Variants in DNAH9 observed in about 807,000 individuals in gnomAD.
DNAH9 encodes the protein dynein axonemal heavy chain 9.
DNAH9 carries 345 observed loss-of-function variants against 471.6 expected under a neutral mutation model. The ratio of observed to expected loss-of-function variants is 0.73; its 90% CI spans 0.67 to 0.80. The LOEUF (loss-of-function observed/expected upper bound fraction) is 0.80, where lower values mean the gene tolerates loss of function less well. Ranked by LOEUF, DNAH9 falls within the 30% of genes least tolerant of loss-of-function variation. The pLI is 0.00. For synonymous variants in DNAH9, 2,093 were observed against 2,123.6 expected (o/e 0.99, Z 0.40); for missense variants, 5,407 against 5,609.2 (o/e 0.96, Z 1.15).
intron 66 of DNAH9, among the ~76,000 whole-genome samples, chr17:11,941,611 G>A (rs1335810592): frequency 6.6e-6 from 1 of 152,140 alleles, no homozygotes; most frequent in Non-Finnish European, 1.5e-5. Context: ...AGGTTTACAT[G>A]ATAGATGAGG....
chr17:11,680,045 T>A, intron 18 of DNAH9, 66 bp downstream of exon 18: 1 of 1,270,728 alleles, frequency 7.9e-7, no homozygotes, highest in Non-Finnish European at 1.1e-6. Flanking sequence ...CAGAATGGGG[T>A]AAAGTGGGGT....
intron 67 of DNAH9, 98 bp downstream of exon 67, chr17:11,942,583 G>C (rs900813806): frequency 2.2e-6 from 3 of 1,335,110 alleles, no homozygotes; most frequent in South Asian, 1.5e-5. Context: ...GAAAGCTGGG[G>C]AGCAGTTGTC....
chr17:11,687,331 A>C (rs920554876), intron 19 of DNAH9, among the ~76,000 whole-genome samples: 9 of 152,220 alleles, frequency 5.9e-5, no homozygotes, highest in African/African-American at 1.9e-4. Flanking sequence ...TCTGACACTA[A>C]TTTAATAGTA....
At chr17:11,656,026 C>G (rs1011163495) in intron 14 of DNAH9, among the ~76,000 whole-genome samples, 13 of 152,126 alleles carry the variant, frequency 8.5e-5, no homozygotes, top group African/African-American at 2.2e-4. Flanking sequence ...ATAAACGGGC[C>G]TGTGCCCAGT....
chr17:11,608,467 C>T (rs1282562001), intron 2 of DNAH9, 142 bp downstream of exon 2: 38 of 689,988 alleles, frequency 5.5e-5, no homozygotes, highest in Non-Finnish European at 7.9e-5. Context: ...CTCTGTTTGC[C>T]GACACCCTCA....
intron 26 of DNAH9, among the ~76,000 whole-genome samples, chr17:11,713,734 T>C (rs1175530040): frequency 6.6e-6 from 1 of 152,238 alleles, no homozygotes; most frequent in African/African-American, 2.4e-5. Flanking sequence ...TTTTGTACAA[T>C]ATATTTATCT....
chr17:11,916,018 A>C (rs888320753), intron 61 of DNAH9, among the ~76,000 whole-genome samples: 2 of 152,244 alleles, frequency 1.3e-5, no homozygotes, highest in African/African-American at 4.8e-5. Flanking sequence ...AATTAATGTT[A>C]GCAGAACTGT....
At position 11,932,179 on chromosome 17, in the gene DNAH9, T is replaced by C. The variant is rs1239292494; in HGVS notation, c.12271T>C (p.Tyr4091His). The C allele has an allele frequency of 1.9e-6, 3 of 1,614,100 alleles. No individual in the cohort carries two copies. The highest frequency in any genetic ancestry group is 8.5e-7 in the Non-Finnish European group (1 of 1,180,006). ...GDLTISVNVL[Y>H]NFLEANAKVP... ...CCTCACTATCTCTGTGAATGTCCTC[T>C]ACAACTTCCTGGAGGCCAACGCAAA... Residue 4091 changes from tyrosine (Y) to histidine (H), a missense_variant, in exon 64 of 69, where the codon TAC (tyrosine) becomes CAC (histidine). Tyr to His is a moderately conservative substitution (Grantham distance 83, BLOSUM62 2). Around this residue, in one of 3 missense-constraint regions of DNAH9, gnomAD observed 4,636 missense variants for 4,900.3 expected, o/e 0.95. Coordinates refer to ENST00000262442, the MANE Select transcript of DNAH9 (RefSeq NM_001372.4). The surrounding 1 kb of genome is among the most constrained non-coding windows in gnomAD (Gnocchi z 4.3).
Position 11,606,118 on chromosome 17 carries a change from T to G in DNAH9, c.418-2011T>G, listed in dbSNP as rs1438128315. Among the ~76,000 whole-genome samples the G allele has an allele frequency of 2.0e-5, 3 of 152,308 alleles. No homozygotes were observed. The East Asian group carries it at 5.8e-4, about 29-fold the overall frequency. On this transcript the variant is annotated intron_variant, in intron 1 of 68. Coordinates refer to ENST00000262442, the MANE Select transcript of DNAH9 (RefSeq NM_001372.4). ...GTGATAAAGCTTAATTTGTAAACTT[T>G]CCTTCCTTTTTGAGCTCCCTTTACT...
At chr17:11,861,215 C>T (rs1597747868) in intron 50 of DNAH9, among the ~76,000 whole-genome samples, 1 of 151,990 alleles carries the variant, frequency 6.6e-6, no homozygotes, top group Admixed American at 6.6e-5. Context: ...TGTGATGTTC[C>T]CCTTCCTGTG....
At chr17:11,818,226 C>G (rs889565354) in intron 45 of DNAH9, among the ~76,000 whole-genome samples, 3 of 152,072 alleles carry the variant, frequency 2.0e-5, no homozygotes, top group Non-Finnish European at 4.4e-5. Flanking sequence ...GTCAGGAGAT[C>G]GAGACCATCC....
chr17:11,684,043 A>G (rs1372516617), intron 19 of DNAH9, among the ~76,000 whole-genome samples: 2 of 152,178 alleles, frequency 1.3e-5, no homozygotes, highest in African/African-American at 4.8e-5. Flanking sequence ...CTGTTAAGTT[A>G]TTTATGAATT....
chr17:11,622,084 CAA>C (rs34441543), intron 6 of DNAH9, among the ~76,000 whole-genome samples: 3,210 of 125,016 alleles, frequency 0.026, 43 homozygotes, highest in Non-Finnish European at 0.036. Flanking sequence ...GACTCCGTCT[CAA>C]AAAAAAAAAA....
chr17:11,913,282 A>G (rs939214337), intron 61 of DNAH9, among the ~76,000 whole-genome samples: 8 of 152,172 alleles, frequency 5.3e-5, no homozygotes. Flanking sequence ...TTTTTAAATT[A>G]TTAGTTCAAT....
chr17:11,880,328 C>T lies in DNAH9; in HGVS notation c.10601+128C>T, dbSNP rs1350397794. On this transcript the variant is annotated intron_variant, in intron 54 of 68. Transcript: ENST00000262442. ...TCATGTCAAGTAGCTCCCTGCAGCACATCCACCTTTCTTTCTTCCAGCAGA... is the reference window on the plus strand; with the variant it reads ...TCATGTCAAGTAGCTCCCTGCAGCATATCCACCTTTCTTTCTTCCAGCAGA... 5 of 1,179,000 alleles carry T rather than the reference C, an allele frequency of 4.2e-6. No homozygotes were observed. In the African/African-American group the frequency reaches 6.1e-5, roughly 14 times the overall value. 73.0% of individuals were successfully genotyped at this position (1,179,000 alleles called of 1,614,324 possible). A position where few individuals can be genotyped will look rare whatever the true frequency, so the allele number is the denominator to read the frequency against.
intron 11 of DNAH9, among the ~76,000 whole-genome samples, 198 bp downstream of exon 11, chr17:11,644,897 GAAAT>G (rs1215656892): frequency 6.6e-6 from 1 of 152,154 alleles, no homozygotes; most frequent in African/African-American, 2.4e-5. Flanking sequence ...CTGTATTCTG[GAAAT>G]AAATACTTTT....
chr17:11,888,415 A>AC (rs1189446354), intron 57 of DNAH9, among the ~76,000 whole-genome samples: 1 of 152,038 alleles, frequency 6.6e-6, no homozygotes, highest in African/African-American at 2.4e-5. Context: ...CCACAGGATC[A>AC]CCCCCCTGGT....
At chr17:11,925,088 T>A (rs937983324) in intron 62 of DNAH9, 6 of 420,106 alleles carry the variant, frequency 1.4e-5, no homozygotes, top group African/African-American at 8.3e-5. Context: ...CATTTTGAAA[T>A]CTTCTATTAG....
chr17:11,796,893 C>T (rs988098149), intron 42 of DNAH9, among the ~76,000 whole-genome samples: 2 of 152,190 alleles, frequency 1.3e-5, no homozygotes, highest in Non-Finnish European at 2.9e-5. Context: ...GAGACGCAGA[C>T]TCCTTATCCT....
Sources: gnomAD v4.1 joint callset for allele counts (sites outside exome capture counted in the v4.1 genomes callset) on GRCh38, gnomAD v4.1.1 for gene constraint, gnomAD v4.1.1 regional missense constraint, Gnocchi (gnomAD v3.1) non-coding constraint, MANE v1.5 for transcripts, NCBI Gene and HGNC (gene_info 2026-07-23, HGNC 2026-07-21) for gene names.